The following RPS27A variants were observed in gnomAD, a reference collection of about 807,000 sequenced individuals.
RPS27A encodes ubiquitin-ribosomal protein eS31 fusion protein.
Under a neutral mutation model 18.9 loss-of-function variants are expected in RPS27A, and 1 was observed. The observed-to-expected ratio is 0.05, with a 90% confidence interval of 0.02 to 0.25. RPS27A has a LOEUF of 0.25. RPS27A is among the 10% of genes least tolerant of loss of function. RPS27A has a pLI of 1.00. For synonymous variants in RPS27A, 77 were observed against 63.7 expected, an observed-to-expected ratio of 1.21 and a Z score of -0.99; for missense variants, 123 against 187.4, an observed-to-expected ratio of 0.66 and a Z score of 2.01.
intron 4 of RPS27A, 148 bp downstream of exon 4, chr2:55,234,352 G>T (rs1055870672): frequency 1.5e-6 from 1 of 676,398 alleles, no homozygotes; most frequent in Non-Finnish European, 2.7e-6. Context: ...CTCAGACTCA[G>T]GTGGTCCTCC....
rs769109767 is a variant in RPS27A at position 55,233,360 on chromosome 2, T to C, written c.49-3T>C. 9 of 1,611,064 alleles carry C rather than the reference T, an allele frequency of 5.6e-6. No individual in the cohort carries two copies. The African/African-American group carries it at 1.2e-4, about 22-fold the overall frequency. ...CAACATGCTTTCACTTTAACACTCA[T>C]AGGTTGAACCCTCGGATACGATAGA... On this transcript the variant is annotated splice_polypyrimidine_tract_variant and splice_region_variant and intron_variant, in intron 2 of 5. Transcript: ENST00000272317.
At chr2:55,232,645 G>T, upstream of RPS27A, 2 of 689,622 alleles carry the variant, frequency 2.9e-6, no homozygotes, top group South Asian at 1.5e-5. Context: ...GGGTCCTTCG[G>T]CGGGAGCTCC....
chr2:55,233,863 C>T, intron 3 of RPS27A: 1 of 553,006 alleles, frequency 1.8e-6, no homozygotes, highest in Admixed American at 3.1e-5. Flanking sequence ...CTTTTCACAT[C>T]AAGTGATCTG....
At chr2:55,235,249 A>C (rs1010858261) in intron 5 of RPS27A, 179 bp from the exon 6 acceptor site, 9 of 788,414 alleles carry the variant, frequency 1.1e-5, no homozygotes, top group African/African-American at 3.5e-5. Flanking sequence ...CAAAAGTCCC[A>C]AGACTTCTGA....
chr2:55,235,041 T>G, intron 5 of RPS27A, 79 bp downstream of exon 5: 1 of 1,508,332 alleles, frequency 6.6e-7, no homozygotes, highest in Non-Finnish European at 9.1e-7. Context: ...CTTGTCAATA[T>G]TTTCTTGGAC....
At position 55,235,821 on chromosome 2, in the gene RPS27A, A is replaced by AAGTT; in HGVS notation, c.*246_*249dup. ...TCTTAGACTACCTATACTTTGGCAG[A>AAGTT]AGTTATATTTAATGTAAGTTGTCTA... On this transcript the variant is annotated 3_prime_UTR_variant, in exon 6 of 6. Transcript: ENST00000272317. 1.8e-6 allele frequency: 1 copy of AAGTT among 552,070 alleles called. No homozygotes were observed. The highest frequency in any genetic ancestry group is 2.0e-5 in the South Asian group (1 of 49,080). The allele number at this position is 552,070 out of a possible 1,614,324, so 34.2% of individuals were successfully genotyped here. A position where few individuals can be genotyped will look rare whatever the true frequency, so the allele number is the denominator to read the frequency against.
Position 55,235,662 on chromosome 2 carries a change from G to T in RPS27A, c.*85G>T. 6 of 1,441,536 alleles carry T rather than the reference G, an allele frequency of 4.2e-6. No individual in the cohort carries two copies. In the South Asian group the frequency reaches 6.9e-5, roughly 16 times the overall value. 89.3% of individuals were successfully genotyped at this position (1,441,536 alleles called of 1,614,324 possible). On this transcript the variant is annotated 3_prime_UTR_variant, in exon 6 of 6. Transcript: ENST00000272317. ...AAGAATGGTTTTTAAGCACCAAATT[G>T]ATGGTCACACCATTTCCTTTTAGTA...
upstream of RPS27A, chr2:55,232,681 G>T (rs1259686466): frequency 3.8e-6 from 3 of 785,880 alleles, no homozygotes; most frequent in Non-Finnish European, 4.4e-6. Flanking sequence ...CCTGCGCGGC[G>T]TTCTTCCTTT....
rs1165071364 is a variant in RPS27A, at chr2:55,235,649, T to C, written c.*72T>C. 3.3e-6 allele frequency: 5 copies of C among 1,531,032 alleles called. No homozygotes were observed. In the African/African-American group the frequency reaches 4.1e-5, roughly 12 times the overall value. 94.8% of individuals were successfully genotyped at this position (1,531,032 alleles called of 1,614,324 possible). A position where few individuals can be genotyped will look rare whatever the true frequency, so the allele number is the denominator to read the frequency against. On this transcript the variant is annotated 3_prime_UTR_variant, in exon 6 of 6. Coordinates refer to ENST00000272317, the MANE Select transcript of RPS27A (RefSeq NM_002954.6). ...TTATTGCAGTAAAAAGAATGGTTTTTAAGCACCAAATTGATGGTCACACCA... is the reference window on the plus strand; with the variant it reads ...TTATTGCAGTAAAAAGAATGGTTTTCAAGCACCAAATTGATGGTCACACCA...
intron 3 of RPS27A, 64 bp from the exon 4 acceptor site, chr2:55,234,055 T>G: frequency 9.6e-7 from 1 of 1,043,176 alleles, no homozygotes; most frequent in Non-Finnish European, 1.5e-6. Context: ...GGTGTTACCT[T>G]ATAAGTCTGG....
chr2:55,233,590 G>A, intron 3 of RPS27A, 173 bp downstream of exon 3: 1 of 650,040 alleles, frequency 1.5e-6, no homozygotes. Context: ...ACCTAGATTG[G>A]AATCCTTGAG....
intron 4 of RPS27A, 169 bp downstream of exon 4, chr2:55,234,373 T>C (rs1675686660): frequency 1.1e-5 from 7 of 643,140 alleles, no homozygotes; most frequent in Non-Finnish European, 2.0e-5. Flanking sequence ...CACCTCAGCC[T>C]CCTGTAGTTG....
At position 55,233,403 on chromosome 2, in the gene RPS27A, T is replaced by C; in HGVS notation, c.89T>C (p.Ile30Thr). 1 of 1,613,306 alleles carries C rather than the reference T, an allele frequency of 6.2e-7. No individual in the cohort carries two copies. Among genetic ancestry groups the C allele is most frequent in the Non-Finnish European group, 8.5e-7 (1 of 1,179,372 alleles). The change falls in exon 3 of 6, where the codon ATC becomes ACC. Residue 30 changes from isoleucine to threonine, a missense_variant. Ile to Thr is a moderately conservative substitution (Grantham distance 89). Around this residue, in one of 2 missense-constraint regions of RPS27A, gnomAD observed 66 missense variants for 72.6 expected, o/e 0.91. Coordinates refer to ENST00000272317, the MANE Select transcript of RPS27A (RefSeq NM_002954.6). ...SDTIENVKAK[I>T]QDKEGIPPDQ... ...ACGATAGAAAATGTAAAGGCCAAGA[T>C]CCAGGATAAGGAAGGCAAGTAGTAT...
intron 3 of RPS27A, chr2:55,233,835 G>T: frequency 1.9e-6 from 1 of 518,642 alleles, no homozygotes; most frequent in Non-Finnish European, 3.5e-6. Flanking sequence ...TTACCTTGTT[G>T]GCCAGGCTGG....
At position 55,234,660 on chromosome 2, in the gene RPS27A, GT is replaced by G; in HGVS notation, c.190-170del. 3 of 722,718 alleles carry G rather than the reference GT, an allele frequency of 4.2e-6. No individual in the cohort carries two copies. The East Asian group carries it at 8.2e-5, about 20-fold the overall frequency. 44.8% of individuals were successfully genotyped at this position (722,718 alleles called of 1,614,324 possible). ...GGTGTAATGTAATGCATTCTTTAAT[GT>G]CCCTATAAACTGTCAGTTAAGAATC... On this transcript the variant is annotated intron_variant, in intron 4 of 5. Transcript: ENST00000272317.
Position 55,235,688 on chromosome 2 carries a change from GTGCTACTGC to G in RPS27A, c.*113_*121del. ...ATGGTCACACCATTTCCTTTTAGTA[GTGCTACTGC>G]TATCGCTGTGTGAATGTTGCCTCTG... is the stretch of plus-strand genomic sequence containing the variant. On this transcript the variant is annotated 3_prime_UTR_variant, in exon 6 of 6. Transcript: ENST00000272317. 1 of 1,223,862 alleles carries G rather than the reference GTGCTACTGC, an allele frequency of 8.2e-7. No individual in the cohort carries two copies. Among genetic ancestry groups the G allele is most frequent in the Non-Finnish European group, 1.2e-6 (1 of 843,804 alleles). The allele number at this position is 1,223,862 out of a possible 1,614,324, so 75.8% of individuals were successfully genotyped here. A position where few individuals can be genotyped will look rare whatever the true frequency, so the allele number is the denominator to read the frequency against.
At position 55,235,494 on chromosome 2, in the gene RPS27A, G is replaced by A. The variant is rs1462344176; in HGVS notation, c.388G>A (p.Val130Met). Residue 130 changes from valine to methionine, a missense_variant, in exon 6 of 6, where the codon GTG becomes ATG. Coordinates refer to ENST00000272317, the MANE Select transcript of RPS27A (RefSeq NM_002954.6). ...ECPSDECGAG[V>M]FMASHFDRHY... The stretch of plus-strand genomic sequence containing the variant: ...CCCTTCTGATGAATGTGGTGCTGGG[G>A]TGTTTATGGCAAGTCACTTTGACAG... The A allele has an allele frequency of 6.2e-7, 1 of 1,611,568 alleles. No individual in the cohort carries two copies. The highest frequency in any genetic ancestry group is 1.7e-5 in the Admixed American group (1 of 60,018).
At chr2:55,235,077 T>A in intron 5 of RPS27A, 115 bp downstream of exon 5, 1 of 1,159,530 alleles carries the variant, frequency 8.6e-7, no homozygotes, top group Non-Finnish European at 1.2e-6. Flanking sequence ...TATCCCACTT[T>A]GGTTTAAATG....
At chr2:55,233,930 A>G in intron 3 of RPS27A, 189 bp from the exon 4 acceptor site, 1 of 645,428 alleles carries the variant, frequency 1.5e-6, no homozygotes, top group Non-Finnish European at 2.8e-6. Flanking sequence ...GCAGACAACC[A>G]AGTATTGTCC....
Sources: gnomAD v4.1 joint callset for allele counts on GRCh38, gnomAD v4.1.1 for gene constraint, gnomAD v4.1.1 regional missense constraint, MANE v1.5 for transcripts, NCBI Gene and HGNC (gene_info 2026-07-23, HGNC 2026-07-21) for gene names.